Variants in COL27A1 observed in about 807,000 individuals in gnomAD.
COL27A1 encodes collagen type XXVII alpha 1 chain.
In COL27A1, 106 loss-of-function variants were observed where a neutral mutation model predicts 251.3. The ratio of observed to expected loss-of-function variants is 0.42; its 90% confidence interval spans 0.36 to 0.50. The LOEUF (loss-of-function observed/expected upper bound fraction) is 0.50, where lower values mean the gene tolerates loss of function less well. Ranked by LOEUF, COL27A1 falls within the 20% of genes least tolerant of loss-of-function variation. The pLI is 0.00. For synonymous variants in COL27A1, 1,000 were observed against 986.3 expected, an observed-to-expected ratio of 1.01 and a Z score of -0.26; for missense variants, 2,325 against 2,522.8, an observed-to-expected ratio of 0.92 and a Z score of 1.68.
intron 5 of COL27A1, among the ~76,000 whole-genome samples, chr9:114,183,975 CAG>C (rs1163257641): frequency 1.3e-5 from 2 of 152,164 alleles, no homozygotes; most frequent in Non-Finnish European, 2.9e-5. Context: ...GTGAGAAACT[CAG>C]AGCACCAAGA....
chr9:114,194,391 G>T lies in COL27A1; in HGVS notation c.2017-13G>T, dbSNP rs1406262224. On this transcript the variant is annotated splice_polypyrimidine_tract_variant and intron_variant, in intron 5 of 60. Transcript: ENST00000356083. ...ATGACTTGGTGGCCAAAGTGGAATT[G>T]TTTTTGTTTCAGGGACAGAAAGGGG... is the stretch of plus-strand genomic sequence containing the variant. 3.1e-6 allele frequency: 5 copies of T among 1,613,340 alleles called. No individual in the cohort carries two copies. Among genetic ancestry groups the T allele is most frequent in the Admixed American group, 1.7e-5 (1 of 59,904 alleles).
At chr9:114,180,004 AT>A (rs1309806807) in intron 4 of COL27A1, among the ~76,000 whole-genome samples, 1 of 151,544 alleles carries the variant, frequency 6.6e-6, no homozygotes, top group Non-Finnish European at 1.5e-5. Flanking sequence ...GGGCCCAGCT[AT>A]TTTTTCGTAT....
chr9:114,290,870 C>G lies in COL27A1; in HGVS notation c.4429C>G (p.Pro1477Ala). 6.4e-7 allele frequency: 1 copy of G among 1,551,818 alleles called. No individual in the cohort carries two copies. The highest frequency in any genetic ancestry group is 2.4e-5 in the East Asian group (1 of 41,044). Residue 1477 changes from proline (P) to alanine (A), a missense_variant, in exon 48 of 61, where the codon CCA becomes GCA. Coordinates refer to ENST00000356083, the MANE Select transcript of COL27A1 (RefSeq NM_032888.4). This position sits in a 1 kb window ranked among gnomAD's most constrained non-coding sequence, Gnocchi z 4.6. ...PMGPAGKRGNPGVAGLPGAQG... is the reference protein window; with the variant it reads ...PMGPAGKRGNAGVAGLPGAQG... The stretch of plus-strand genomic sequence containing the variant: ...GGGCCCTGCTGGGAAGAGAGGAAAT[C>G]CAGGTGTGGCCGGCTTACCTGGAGC...
chr9:114,195,871 T>C lies in COL27A1; in HGVS notation c.2071-88T>C, dbSNP rs1348142986. On this transcript the variant is annotated intron_variant, in intron 6 of 60. Transcript: ENST00000356083. The stretch of plus-strand genomic sequence containing the variant: ...AATCTCATTTGGAAACAACCAGCCA[T>C]TGGAAGTTACCATTCCAATTTGTAG... The C allele has an allele frequency of 8.7e-6, 9 of 1,038,418 alleles. No homozygotes were observed. The South Asian group carries it at 8.8e-5, about 10-fold the overall frequency. 64.3% of individuals were successfully genotyped at this position (1,038,418 alleles called of 1,614,324 possible).
At chr9:114,193,245 G>T (rs1399803311) in intron 5 of COL27A1, among the ~76,000 whole-genome samples, 1 of 152,148 alleles carries the variant, frequency 6.6e-6, no homozygotes, top group Non-Finnish European at 1.5e-5. Context: ...CTTTCCACAG[G>T]GCTGTTTCCT....
At chr9:114,262,938 A>ATTT (rs386415960) in intron 28 of COL27A1, among the ~76,000 whole-genome samples, 3,320 of 127,050 alleles carry the variant, frequency 0.026, 199 homozygotes, top group African/African-American at 0.048. Flanking sequence ...TCCTTGTTTG[A>ATTT]TTTTTTTTTT....
chr9:114,237,544 G>T, intron 18 of COL27A1, 118 bp from the exon 19 acceptor site: 1 of 858,714 alleles, frequency 1.2e-6, no homozygotes, highest in Non-Finnish European at 2.0e-6. Flanking sequence ...TGTCCAGGCA[G>T]ATTTTATGCA....
chr9:114,167,170 A>G (rs1457405924), intron 2 of COL27A1, among the ~76,000 whole-genome samples: 2 of 152,186 alleles, frequency 1.3e-5, no homozygotes, highest in African/African-American at 4.8e-5. Flanking sequence ...AGGTGGAGAA[A>G]AAGGAGTATA....
intron 7 of COL27A1, among the ~76,000 whole-genome samples, chr9:114,197,567 T>A (rs1829238588): frequency 6.6e-6 from 1 of 152,040 alleles, no homozygotes; most frequent in African/African-American, 2.4e-5. Flanking sequence ...TTGTTCTGCA[T>A]GGGGGTGGCA....
chr9:114,170,705 C>G (rs10982091), intron 3 of COL27A1, among the ~76,000 whole-genome samples: 1 of 152,198 alleles, frequency 6.6e-6, no homozygotes, highest in Non-Finnish European at 1.5e-5. Flanking sequence ...ATTATGTCAA[C>G]GTTCTGCTCA....
At chr9:114,231,730 C>T (rs773821116) in intron 15 of COL27A1, 92 bp from the exon 16 acceptor site, 18 of 1,282,766 alleles carry the variant, frequency 1.4e-5, no homozygotes, top group Middle Eastern at 1.9e-4. Flanking sequence ...GGATCTAGCA[C>T]GGGGTCTTGC....
At chr9:114,264,323 TC>T (rs769301915) in intron 28 of COL27A1, 31 bp from the exon 29 acceptor site, 1 of 1,544,786 alleles carries the variant, frequency 6.5e-7, no homozygotes, top group South Asian at 1.2e-5. Context: ...ACCCCTGCTG[TC>T]CGGTGTGCTA....
rs1206120470 is a variant in COL27A1, at chr9:114,199,662, T to C, written c.2124+3650T>C. Among the ~76,000 whole-genome samples the C allele has an allele frequency of 2.0e-5, 3 of 152,216 alleles. No individual in the cohort carries two copies. The East Asian group carries it at 5.8e-4, about 29-fold the overall frequency. ...CCTCCAGGCAGAAGTGACGCCTCAC[T>C]TCCTGACCATTTGGCCTCCCTTCTC... is the stretch of plus-strand genomic sequence containing the variant. On this transcript the variant is annotated intron_variant, in intron 7 of 60. Transcript: ENST00000356083.
intron 31 of COL27A1, 28 bp downstream of exon 31, chr9:114,265,138 C>T: frequency 6.5e-7 from 1 of 1,531,218 alleles, no homozygotes. Flanking sequence ...TTGAAATTCT[C>T]TACATGGGGC....
intron 22 of COL27A1, among the ~76,000 whole-genome samples, chr9:114,243,026 C>T (rs965030833): frequency 6.6e-6 from 1 of 152,160 alleles, no homozygotes; most frequent in Non-Finnish European, 1.5e-5. Context: ...CATGCAGCCT[C>T]GGGAAGATGC....
chr9:114,290,315 G>A lies in COL27A1; in HGVS notation c.4352G>A (p.Gly1451Glu). The A allele has an allele frequency of 6.3e-7, 1 of 1,580,884 alleles. No individual in the cohort carries two copies. Among genetic ancestry groups the A allele is most frequent in the South Asian group, 1.2e-5 (1 of 86,430 alleles). Residue 1451 changes from glycine to glutamate, a missense_variant, in exon 47 of 61, where the codon GGG (glycine) becomes GAG (glutamate). By Grantham distance (98) the Gly-to-Glu change is moderately conservative (BLOSUM62 -2). Around this residue, in one of 4 missense-constraint regions of COL27A1, gnomAD observed 153 missense variants for 140.7 expected, o/e 1.09. Transcript: ENST00000356083. The surrounding 1 kb of genome is among the most constrained non-coding windows in gnomAD (Gnocchi z 4.6). The part of the protein sequence containing the change: ...AGPDGLPGRD[G>E]QAGQQGEQGD... ...CCAGATGGGCTTCCTGGCAGGGACG[G>A]GCAAGCAGGACAGCAGGTGAGCGGG...
chr9:114,205,722 C>T, intron 8 of COL27A1, 37 bp from the exon 9 acceptor site: 2 of 1,605,260 alleles, frequency 1.2e-6, no homozygotes, highest in Non-Finnish European at 1.7e-6. Context: ...TGGGCAGGGT[C>T]TTTCTTTTCC....
At chr9:114,221,613 C>A (rs959616758) in intron 13 of COL27A1, among the ~76,000 whole-genome samples, 1 of 152,168 alleles carries the variant, frequency 6.6e-6, no homozygotes, top group South Asian at 2.1e-4. Context: ...ATGTTTAAGA[C>A]GAGAAAACTG....
At chr9:114,298,520 A>G (rs1828401688) in intron 49 of COL27A1, among the ~76,000 whole-genome samples, 1 of 152,242 alleles carries the variant, frequency 6.6e-6, no homozygotes, top group Non-Finnish European at 1.5e-5. Flanking sequence ...TTTTAGCAAG[A>G]GTGCTAGGGC....
Sources: allele counts gnomAD v4.1 joint callset (sites outside exome capture counted in the v4.1 genomes callset), GRCh38; gene constraint gnomAD v4.1.1; regional missense constraint gnomAD v4.1.1; non-coding constraint Gnocchi (gnomAD v3.1); transcripts MANE v1.5; gene names NCBI Gene and HGNC (gene_info 2026-07-23, HGNC 2026-07-21).